The following LRP1B variants were observed in gnomAD, a reference collection of about 807,000 sequenced individuals.
LRP1B encodes LDL receptor related protein 1B, also known as low-density lipoprotein receptor-related protein 1B.
In LRP1B, 217 loss-of-function variants were observed where a neutral mutation model predicts 556.6. That is an observed-to-expected ratio of 0.39 (90% CI 0.35 to 0.44). The LOEUF (loss-of-function observed/expected upper bound fraction) is 0.44, where lower values mean the gene tolerates loss of function less well. Among genes scored for constraint, LRP1B ranks in the 20% least tolerant of loss-of-function variants. LRP1B has a pLI of 1.00. For synonymous variants in LRP1B, 2,047 were observed against 1,865.8 expected (o/e 1.10, Z -2.50); for missense variants, 5,053 against 5,620.8 (o/e 0.90, Z 3.23).
chr2:140,253,435 A>T (rs531458284), intron 86 of LRP1B, among the ~76,000 whole-genome samples: 27 of 152,198 alleles, frequency 1.8e-4, no homozygotes, highest in African/African-American at 6.5e-4. Context: ...ATTTAAAGTA[A>T]TTTTTAAGAA....
chr2:141,177,902 T>C (rs942005348), intron 7 of LRP1B, among the ~76,000 whole-genome samples: 9 of 152,122 alleles, frequency 5.9e-5, no homozygotes, highest in Non-Finnish European at 1.2e-4. Context: ...CTCTGAAACA[T>C]TGTTTTAGAT....
chr2:140,355,307 A>G (rs1016330399), intron 75 of LRP1B, among the ~76,000 whole-genome samples: 52 of 151,944 alleles, frequency 3.4e-4, no homozygotes, highest in Middle Eastern at 3.2e-3. Context: ...ATTGATAGAA[A>G]GAGCCTGGGA....
Position 140,702,054 on chromosome 2 carries a change from C to T in LRP1B, c.6302+87G>A, listed in dbSNP as rs2105427575. The T allele has an allele frequency of 3.4e-6, 5 of 1,480,672 alleles. No individual in the cohort carries two copies. The South Asian group carries it at 3.9e-5, about 11-fold the overall frequency. 91.7% of individuals were successfully genotyped at this position (1,480,672 alleles called of 1,614,324 possible). On this transcript the variant is annotated intron_variant, in intron 39 of 90. Transcript: ENST00000389484. ...TTGTGAGTTCCTTTTTGTGACCTTG[C>T]TAAGAAATGGTAAATCCTACAAGGG... is the stretch of plus-strand genomic sequence containing the variant.
intron 66 of LRP1B, among the ~76,000 whole-genome samples, chr2:140,403,722 A>G (rs1467689286): frequency 6.6e-6 from 1 of 152,178 alleles, no homozygotes; most frequent in Non-Finnish European, 1.5e-5. Context: ...AATTGAGGAG[A>G]ATTTCCCTGG....
At chr2:142,014,490 G>C (rs1703057832) in intron 1 of LRP1B, among the ~76,000 whole-genome samples, 1 of 152,128 alleles carries the variant, frequency 6.6e-6, no homozygotes, top group Admixed American at 6.5e-5. Flanking sequence ...GAAACTTTGA[G>C]AGTGAGTACT....
chr2:141,712,045 T>C (rs1184839661), intron 2 of LRP1B, among the ~76,000 whole-genome samples: 1 of 152,098 alleles, frequency 6.6e-6, no homozygotes, highest in African/African-American at 2.4e-5. Context: ...TGCAATATGA[T>C]ATACGAAGTT....
rs372099457 is a variant in LRP1B, at chr2:140,673,279, T to C, written c.6799+26971A>G. On this transcript the variant is annotated intron_variant, in intron 41 of 90. Coordinates refer to ENST00000389484, the MANE Select transcript of LRP1B (RefSeq NM_018557.3). ...GAAATCAATTAAGGTATTACAAGTA[T>C]TGCCTCTATAAAGTACATTTGATTA... 3.1e-4 allele frequency among the ~76,000 whole-genome samples: 47 copies of C among 152,304 alleles called. No individual in the cohort carries two copies. The East Asian group carries it at 8.3e-3, about 27-fold the overall frequency.
chr2:140,813,577 T>A (rs1691001447), intron 32 of LRP1B, 80 bp downstream of exon 32: 21 of 1,313,016 alleles, frequency 1.6e-5, no homozygotes, highest in Non-Finnish European at 2.1e-5. Context: ...AGCAGTAACT[T>A]TCCTAAGCTT....
At chr2:140,290,893 G>C (rs1683343016) in intron 84 of LRP1B, among the ~76,000 whole-genome samples, 1 of 151,994 alleles carries the variant, frequency 6.6e-6, no homozygotes, top group African/African-American at 2.4e-5. Flanking sequence ...TTCAGAGTCA[G>C]ATCCACAAAG....
chr2:141,173,460 T>C (rs893185193), intron 7 of LRP1B, among the ~76,000 whole-genome samples: 3 of 152,046 alleles, frequency 2.0e-5, no homozygotes, highest in African/African-American at 4.8e-5. Context: ...CACCTCCAGA[T>C]TGTGGGATGA....
intron 3 of LRP1B, among the ~76,000 whole-genome samples, chr2:141,266,028 G>C (rs984291600): frequency 1.3e-5 from 2 of 152,050 alleles, no homozygotes; most frequent in Admixed American, 6.6e-5. Context: ...AGGGAGAGTA[G>C]GAATATGCAT....
intron 3 of LRP1B, among the ~76,000 whole-genome samples, chr2:141,443,711 T>A (rs1681073667): frequency 6.6e-6 from 1 of 152,186 alleles, no homozygotes; most frequent in African/African-American, 2.4e-5. Context: ...CTTGTTTTTG[T>A]CAGGTTTGTC....
At chr2:141,910,409 G>A in intron 1 of LRP1B, among the ~76,000 whole-genome samples, 1 of 152,110 alleles carries the variant, frequency 6.6e-6, no homozygotes, top group Non-Finnish European at 1.5e-5. Flanking sequence ...CAACCAAGGT[G>A]AGAACTATCA....
rs753508741 is a variant in LRP1B, at chr2:140,716,037, G to A, written c.5959C>T (p.Arg1987Cys). 41 of 1,608,614 alleles carry A rather than the reference G, an allele frequency of 2.5e-5. No individual in the cohort carries two copies. The highest frequency in any genetic ancestry group is 3.3e-4 in the Middle Eastern group (2 of 6,056). Residue 1987 changes from arginine to cysteine, a missense_variant, in exon 37 of 91, where the codon CGT (arginine) becomes TGT (cysteine). Transcript: ENST00000389484. The stretch of plus-strand genomic sequence containing the variant: ...AGGCCTTGGGAAATAATTACATAAC[G>A]GAAAGAACCATTGAGTCTTGCAACT... The part of the protein sequence containing the change: ...IEVARLNGSF[R>C]YVIISQGLDQ...
intron 3 of LRP1B, among the ~76,000 whole-genome samples, chr2:141,411,864 T>C (rs958796633): frequency 4.6e-5 from 7 of 152,082 alleles, no homozygotes; most frequent in Non-Finnish European, 1.0e-4. Flanking sequence ...TTGTTAAAAG[T>C]ATAAACAGAA....
chr2:140,577,937 T>TA (rs1259927797), intron 43 of LRP1B, among the ~76,000 whole-genome samples: 1 of 152,208 alleles, frequency 6.6e-6, no homozygotes, highest in African/African-American at 2.4e-5. Flanking sequence ...GATGAGTTTT[T>TA]AACCTTCCTC....
intron 31 of LRP1B, among the ~76,000 whole-genome samples, chr2:140,820,228 G>T (rs1232373487): frequency 1.3e-5 from 2 of 152,122 alleles, no homozygotes; most frequent in East Asian, 3.9e-4. Flanking sequence ...GATCCACCTG[G>T]CTCAGCCTCT....
At chr2:142,036,970 C>T (rs1171014683) in intron 1 of LRP1B, among the ~76,000 whole-genome samples, 4 of 151,772 alleles carry the variant, frequency 2.6e-5, no homozygotes, top group Admixed American at 2.6e-4. Flanking sequence ...CATTGATACC[C>T]AGGAACTGGG....
At chr2:141,341,503 C>T (rs184777339) in intron 3 of LRP1B, among the ~76,000 whole-genome samples, 9 of 152,206 alleles carry the variant, frequency 5.9e-5, no homozygotes, top group African/African-American at 1.2e-4. Context: ...ACTATTTTTA[C>T]GTCTCACAAT....
Sources: allele counts gnomAD v4.1 joint callset (sites outside exome capture counted in the v4.1 genomes callset), GRCh38; gene constraint gnomAD v4.1.1; transcripts MANE v1.5; gene names NCBI Gene and HGNC (gene_info 2026-07-23, HGNC 2026-07-21).